The following PAK5 variants were observed in gnomAD, a reference collection of about 807,000 sequenced individuals.
The protein encoded by PAK5 is p21 (RAC1) activated kinase 5, also known as serine/threonine-protein kinase PAK 5.
Under a neutral mutation model 65.9 loss-of-function variants are expected in PAK5, and 16 were observed. The ratio of observed to expected loss-of-function variants is 0.24; its 90% confidence interval spans 0.16 to 0.37. The LOEUF (loss-of-function observed/expected upper bound fraction) is 0.37. PAK5 is among the 10% of genes least tolerant of loss of function. PAK5 has a pLI of 1.00. For synonymous variants in PAK5, 371 were observed against 354.9 expected, an observed-to-expected ratio of 1.05 and a Z score of -0.51; for missense variants, 785 against 903.9, an observed-to-expected ratio of 0.87 and a Z score of 1.69.
chr20:9,610,586 T>A (rs568128441), intron 3 of PAK5, among the ~76,000 whole-genome samples: 23 of 152,364 alleles, frequency 1.5e-4, no homozygotes, highest in African/African-American at 5.5e-4. Context: ...AAATATAAGA[T>A]GTCGGCATGT....
intron 2 of PAK5, among the ~76,000 whole-genome samples, chr20:9,645,396 G>A (rs1327138466): frequency 6.6e-6 from 1 of 152,202 alleles, no homozygotes; most frequent in Non-Finnish European, 1.5e-5. Context: ...CCTATTCACT[G>A]TGATCCCAGA....
intron 1 of PAK5, among the ~76,000 whole-genome samples, chr20:9,711,733 C>A (rs2048079990): frequency 6.6e-6 from 1 of 152,130 alleles, no homozygotes; most frequent in Non-Finnish European, 1.5e-5. Context: ...CCTTGTGGGG[C>A]CAGGAACTGT....
chr20:9,631,411 T>C (rs1423125393), intron 3 of PAK5, among the ~76,000 whole-genome samples: 2 of 152,184 alleles, frequency 1.3e-5, no homozygotes, highest in South Asian at 2.1e-4. Flanking sequence ...ATATATATAG[T>C]CCAAGCAGAC....
intron 3 of PAK5, among the ~76,000 whole-genome samples, chr20:9,606,476 G>A (rs1392548063): frequency 6.6e-6 from 1 of 152,180 alleles, no homozygotes; most frequent in Non-Finnish European, 1.5e-5. Flanking sequence ...GAAGGAAGGA[G>A]TAAAAGACCC....
chr20:9,768,642 G>T (rs1391869931), intron 1 of PAK5, among the ~76,000 whole-genome samples: 1 of 151,868 alleles, frequency 6.6e-6, no homozygotes, highest in Non-Finnish European at 1.5e-5. Flanking sequence ...AATTATACGG[G>T]TATGGTGGCG....
In PAK5 at chr20:9,614,435, A is replaced by G. The variant is rs188433405; in HGVS notation, c.204+29690T>C. 1.3e-3 allele frequency among the ~76,000 whole-genome samples: 203 copies of G among 152,376 alleles called. 2 individuals carry two copies. Among genetic ancestry groups the G allele is most frequent in the South Asian group, 4.1e-3 (20 of 4,826 alleles). ...AGGAACAGATGGAAAGTTGGAAACA[A>G]TAATGACTGAAAATCAGACACCAAA... On this transcript the variant is annotated intron_variant, in intron 3 of 9. Coordinates refer to ENST00000353224, the MANE Select transcript of PAK5 (RefSeq NM_177990.4).
intron 3 of PAK5, among the ~76,000 whole-genome samples, chr20:9,609,142 G>GT (rs1600135832): frequency 2.6e-4 from 2 of 7,836 alleles, no homozygotes; most frequent in East Asian, 0.5. Context: ...ACATGATGCT[G>GT]GGTGGGAAGG....
intron 7 of PAK5, among the ~76,000 whole-genome samples, chr20:9,555,764 AAATAT>A (rs1311795053): frequency 7.2e-5 from 11 of 152,194 alleles, no homozygotes; most frequent in African/African-American, 1.9e-4. Context: ...AATATTTAGT[AAATAT>A]AATATAAGCA....
chr20:9,655,027 A>G (rs760605339), intron 2 of PAK5, among the ~76,000 whole-genome samples: 66 of 152,238 alleles, frequency 4.3e-4, no homozygotes, highest in Non-Finnish European at 8.2e-4. Context: ...TGTCCACGCC[A>G]CCATCATTTC....
chr20:9,716,886 C>A (rs2048153498), intron 1 of PAK5, among the ~76,000 whole-genome samples: 1 of 151,942 alleles, frequency 6.6e-6, no homozygotes, highest in Non-Finnish European at 1.5e-5. Context: ...AGTTTTGAGA[C>A]CAGCCTGAGC....
intron 1 of PAK5, among the ~76,000 whole-genome samples, chr20:9,810,831 G>A (rs996744): frequency 1.9e-4 from 29 of 151,992 alleles, no homozygotes; most frequent in Non-Finnish European, 3.4e-4. Context: ...GTTTCACCAC[G>A]TATATATACA....
chr20:9,666,999 C>T (rs1054258358), intron 2 of PAK5, among the ~76,000 whole-genome samples: 4 of 152,132 alleles, frequency 2.6e-5, no homozygotes, highest in Admixed American at 1.3e-4. Flanking sequence ...TAGAGTAGAT[C>T]GGGCATAGTG....
chr20:9,812,392 A>G (rs1476286120), intron 1 of PAK5, among the ~76,000 whole-genome samples: 3 of 152,196 alleles, frequency 2.0e-5, no homozygotes, highest in Non-Finnish European at 4.4e-5. Context: ...GTTCAACATC[A>G]TTAGTCATTG....
intron 2 of PAK5, among the ~76,000 whole-genome samples, chr20:9,710,112 T>C (rs1268474533): frequency 6.6e-6 from 1 of 152,180 alleles, no homozygotes; most frequent in African/African-American, 2.4e-5. Flanking sequence ...ACTAAGTCAC[T>C]AGTCCTTAAA....
chr20:9,812,911 A>C (rs2049314549), intron 1 of PAK5, among the ~76,000 whole-genome samples: 1 of 152,134 alleles, frequency 6.6e-6, no homozygotes, highest in South Asian at 2.1e-4. Flanking sequence ...TTGTATCAAA[A>C]CTTCACAAGT....
At chr20:9,595,758 C>A (rs1416390483) in intron 3 of PAK5, among the ~76,000 whole-genome samples, 1 of 148,708 alleles carries the variant, frequency 6.7e-6, no homozygotes, top group Non-Finnish European at 1.5e-5. Context: ...CATTAAGTGT[C>A]CCCCTAGAAA....
intron 3 of PAK5, among the ~76,000 whole-genome samples, chr20:9,635,678 C>A (rs1033445403): frequency 3.3e-5 from 5 of 152,002 alleles, no homozygotes; most frequent in South Asian, 2.1e-4. Context: ...AAGGGGTGAC[C>A]CAGCTCAGTG....
At chr20:9,713,171 C>G (rs758783102) in intron 1 of PAK5, among the ~76,000 whole-genome samples, 1 of 151,708 alleles carries the variant, frequency 6.6e-6, no homozygotes, top group African/African-American at 2.4e-5. Flanking sequence ...AACTCAATAG[C>G]AAATAATAAT....
In PAK5 at chr20:9,556,618, A is replaced by T. The variant is rs188481843; in HGVS notation, c.1743+990T>A. On this transcript the variant is annotated intron_variant, in intron 7 of 9. Transcript: ENST00000353224. ...TAGAGCTATGCTTTGAAACTCTTCCATTTAACTAAGCCTTCCTTGGAATGT... is the reference window on the plus strand; with the variant it reads ...TAGAGCTATGCTTTGAAACTCTTCCTTTTAACTAAGCCTTCCTTGGAATGT... Among the ~76,000 whole-genome samples the T allele has an allele frequency of 8.8e-3, 1,335 of 152,314 alleles. 7 individuals carry two copies. Among genetic ancestry groups the T allele is most frequent in the Non-Finnish European group, 0.013 (868 of 68,016 alleles).
Sources: gnomAD v4.1 joint callset for allele counts (sites outside exome capture counted in the v4.1 genomes callset) on GRCh38, gnomAD v4.1.1 for gene constraint, MANE v1.5 for transcripts, NCBI Gene and HGNC (gene_info 2026-07-23, HGNC 2026-07-21) for gene names.